Variants in ZNF365 observed in about 807,000 individuals in gnomAD.
The protein encoded by ZNF365 is protein ZNF365.
ZNF365 carries 22 observed loss-of-function variants against 35.0 expected under a neutral mutation model. The observed-to-expected ratio is 0.63, with a 90% CI of 0.45 to 0.90. The LOEUF is 0.90. Ranked by LOEUF, ZNF365 falls within the 40% of genes least tolerant of loss-of-function variation. ZNF365 has a pLI of 0.00. For missense variants in ZNF365, 448 were observed against 500.3 expected (o/e 0.90, Z 1.00); for synonymous variants, 188 against 196.2 (o/e 0.96, Z 0.35).
At chr10:62,428,050 T>TTTTTGTATC (rs541534501) in intron 3 of ZNF365, among the ~76,000 whole-genome samples, 70 of 152,228 alleles carry the variant, frequency 4.6e-4, no homozygotes, top group African/African-American at 1.5e-3. Flanking sequence ...AGAGAACCAG[T>TTTTTGTATC]TTTTGTATCA....
intron 4 of ZNF365, among the ~76,000 whole-genome samples, chr10:62,478,796 G>C (rs1289775379): frequency 6.6e-6 from 1 of 152,092 alleles, no homozygotes; most frequent in Admixed American, 6.6e-5. Flanking sequence ...GGATGGTCTC[G>C]ATCTCCTGAC....
chr10:62,451,770 C>T (rs1213801303), intron 3 of ZNF365, among the ~76,000 whole-genome samples: 1 of 152,156 alleles, frequency 6.6e-6, no homozygotes, highest in African/African-American at 2.4e-5. Context: ...CTGGTGCAGA[C>T]CTGTAGAGGC....
intron 3 of ZNF365, among the ~76,000 whole-genome samples, chr10:62,455,544 A>G (rs1840748566): frequency 6.6e-6 from 1 of 152,038 alleles, no homozygotes; most frequent in Admixed American, 6.6e-5. Context: ...ATGTATATGT[A>G]CATATACTGT....
Position 62,400,281 on chromosome 10 carries a change from C to T in ZNF365, c.*492C>T. 1.0e-6 allele frequency: 1 copy of T among 986,682 alleles called. No individual in the cohort carries two copies. The highest frequency in any genetic ancestry group is 1.2e-6 in the Non-Finnish European group (1 of 830,468). The allele number at this position is 986,682 out of a possible 1,614,324, so 61.1% of individuals were successfully genotyped here. On this transcript the variant is annotated 3_prime_UTR_variant, in exon 5 of 5. Coordinates refer to ENST00000395254, the MANE Select transcript of ZNF365 (RefSeq NM_014951.3). ...ACCTTCCCCTCAGCTAATTTGAAAG[C>T]CTCCAAAATAAGGATTCCCATTCCC...
chr10:62,389,154 A>C (rs1469092123), intron 3 of ZNF365, among the ~76,000 whole-genome samples: 4 of 152,052 alleles, frequency 2.6e-5, no homozygotes, highest in Non-Finnish European at 4.4e-5. Context: ...GAAACGCCTA[A>C]AGCCCAGATG....
intron 3 of ZNF365, among the ~76,000 whole-genome samples, chr10:62,424,308 C>T (rs1199220038): frequency 6.6e-6 from 1 of 152,006 alleles, no homozygotes; most frequent in Non-Finnish European, 1.5e-5. Flanking sequence ...GAAAGTACAC[C>T]TTTTTGCAGG....
chr10:62,403,699 AC>A (rs1444682976), downstream of ZNF365, among the ~76,000 whole-genome samples: 3 of 152,126 alleles, frequency 2.0e-5, no homozygotes, highest in African/African-American at 4.8e-5. Context: ...AAAGAACTGG[AC>A]CCACTCAGTT....
intron 3 of ZNF365, among the ~76,000 whole-genome samples, chr10:62,409,102 C>T (rs1307724158): frequency 6.6e-6 from 1 of 152,146 alleles, no homozygotes; most frequent in Non-Finnish European, 1.5e-5. Context: ...CCTAGCTTTT[C>T]CTGAAACTGT....
At position 62,392,603 on chromosome 10, in the gene ZNF365, C is replaced by CGTTT. The variant is rs139529803; in HGVS notation, c.924+4068_924+4071dup. On this transcript the variant is annotated intron_variant, in intron 3 of 4. Transcript: ENST00000395254. Reference sequence around the variant, plus strand: ...TATTCTGTTCCATTGGTCTATGTGCCGTTTGTTTGTTTGTTTGTTTGTTTG... The same window carrying CGTTT: ...TATTCTGTTCCATTGGTCTATGTGCCGTTTGTTTGTTTGTTTGTTTGTTTGTTTG... Among the ~76,000 whole-genome samples the CGTTT allele has an allele frequency of 6.7e-3, 1,007 of 150,378 alleles. 3 individuals are homozygous for CGTTT. The highest frequency in any genetic ancestry group is 0.017 in the Middle Eastern group (5 of 294).
intron 3 of ZNF365, among the ~76,000 whole-genome samples, chr10:62,434,734 T>A (rs1461207443): frequency 6.6e-6 from 1 of 152,228 alleles, no homozygotes; most frequent in African/African-American, 2.4e-5. Flanking sequence ...AGTGTTGTCA[T>A]TGCAGAGTGC....
At chr10:62,420,806 G>T (rs894195609) in intron 3 of ZNF365, among the ~76,000 whole-genome samples, 1 of 151,162 alleles carries the variant, frequency 6.6e-6, no homozygotes, top group African/African-American at 2.4e-5. Flanking sequence ...ATTGAGTCAG[G>T]CTCTGTCACT....
At chr10:62,432,710 G>T (rs944237949) in intron 3 of ZNF365, among the ~76,000 whole-genome samples, 2 of 152,126 alleles carry the variant, frequency 1.3e-5, no homozygotes, top group African/African-American at 2.4e-5. Context: ...CACAACAAAT[G>T]ATAGCAACTA....
chr10:62,381,134 A>G (rs1839431784), intron 2 of ZNF365, among the ~76,000 whole-genome samples: 1 of 152,168 alleles, frequency 6.6e-6, no homozygotes, highest in Non-Finnish European at 1.5e-5. Context: ...AATACATTAG[A>G]GAACAGATTT....
At chr10:62,413,479 A>G (rs1436540850) in intron 3 of ZNF365, among the ~76,000 whole-genome samples, 1 of 152,168 alleles carries the variant, frequency 6.6e-6, no homozygotes, top group Non-Finnish European at 1.5e-5. Context: ...ATATTATAGT[A>G]AACGCTTCAA....
At chr10:62,476,944 T>C (rs887851423) in intron 4 of ZNF365, among the ~76,000 whole-genome samples, 2 of 152,230 alleles carry the variant, frequency 1.3e-5, no homozygotes, top group African/African-American at 4.8e-5. Context: ...AAAAAATAGT[T>C]GTATCTTAAA....
chr10:62,394,266 C>T (rs975051684), intron 3 of ZNF365, among the ~76,000 whole-genome samples: 4 of 152,064 alleles, frequency 2.6e-5, no homozygotes, highest in African/African-American at 9.7e-5. Flanking sequence ...TTGGAGCTTT[C>T]GGATTTTGGG....
Position 62,435,356 on chromosome 10 carries a change from C to G in ZNF365, c.925-24385C>G, listed in dbSNP as rs549654541. Among the ~76,000 whole-genome samples, 107 of 152,236 alleles carry G rather than the reference C, an allele frequency of 7.0e-4. 1 individual carries two copies. Among genetic ancestry groups the G allele is most frequent in the African/African-American group, 2.4e-3 (101 of 41,544 alleles). ...GATAAACTTAACCTTCTGAATAATA[C>G]TCCCAAGAAGAAGGTTTCATTTTTT... On this transcript the variant is annotated intron_variant, in intron 3 of 4. Transcript: ENST00000395255.
Position 62,454,009 on chromosome 10 carries a change from TG to T in ZNF365, c.925-5730del, listed in dbSNP as rs555826949. Among the ~76,000 whole-genome samples, 790 of 152,330 alleles carry T rather than the reference TG, an allele frequency of 5.2e-3. 5 individuals are homozygous for T. The highest frequency in any genetic ancestry group is 0.018 in the African/African-American group (754 of 41,576). ...TGTGAACTTACTACCTGTTAGATAT[TG>T]GTAAAGTTTCTTAAATTGCCAGTGC... On this transcript the variant is annotated intron_variant, in intron 3 of 4. Transcript: ENST00000395255.
chr10:62,414,378 T>C (rs962943698), intron 3 of ZNF365, among the ~76,000 whole-genome samples: 1 of 150,618 alleles, frequency 6.6e-6, no homozygotes, highest in South Asian at 2.1e-4. Flanking sequence ...TTTTTTTTTT[T>C]TAATTTTGTT....
Sources: gnomAD v4.1 joint callset for allele counts (sites outside exome capture counted in the v4.1 genomes callset) on GRCh38, gnomAD v4.1.1 for gene constraint, MANE v1.5 for transcripts, NCBI Gene and HGNC (gene_info 2026-07-23, HGNC 2026-07-21) for gene names.